HGD: variants seen among roughly 807,000 people sequenced by gnomAD.
The protein encoded by HGD is homogentisate 1,2-dioxygenase, also known as homogentisate oxidase.
A neutral mutation model predicts 60.8 loss-of-function variants in HGD; 61 were observed. The observed-to-expected ratio is 1.00, with a 90% CI of 0.82 to 1.24. HGD has a LOEUF of 1.24. HGD is among the 50% of genes most tolerant of loss of function. The pLI, the probability that HGD is intolerant of heterozygous loss-of-function variation, is 0.00. For synonymous variants in HGD, 212 were observed against 187.7 expected (o/e 1.13, Z -1.06); for missense variants, 542 against 547.1 (o/e 0.99, Z 0.09).
intron 4 of HGD, among the ~76,000 whole-genome samples, chr3:120,666,033 G>T (rs1023978468): frequency 2.6e-5 from 4 of 152,200 alleles, no homozygotes; most frequent in South Asian, 2.1e-4. Flanking sequence ...ATTGGAAAGA[G>T]ATATTAACTT....
intron 1 of HGD, among the ~76,000 whole-genome samples, chr3:120,676,648 C>T (rs1576320338): frequency 6.6e-6 from 1 of 152,214 alleles, no homozygotes; most frequent in East Asian, 1.9e-4. Flanking sequence ...GAATTTTTCC[C>T]TTAAAGCCAA....
chr3:120,655,480 GAA>G (rs937481093), intron 4 of HGD, among the ~76,000 whole-genome samples: 5 of 152,202 alleles, frequency 3.3e-5, no homozygotes, highest in African/African-American at 1.2e-4. Context: ...AGATTATACA[GAA>G]TCTATATTCA....
At chr3:120,642,718 G>T (rs748503716) in intron 10 of HGD, among the ~76,000 whole-genome samples, 11 of 152,198 alleles carry the variant, frequency 7.2e-5, no homozygotes, top group Non-Finnish European at 1.3e-4. Flanking sequence ...AGGAACTGAG[G>T]TCATATGGGG....
chr3:120,644,660 A>G (rs1446083669), intron 9 of HGD: 1 of 1,500,362 alleles, frequency 6.7e-7, no homozygotes, highest in Admixed American at 2.0e-5. Flanking sequence ...ATTACTTTCT[A>G]AGGTTGTGGA....
Position 120,682,177 on chromosome 3 carries a change from C to T in HGD, c.-66G>A. ...GCCCAGAGGATATAAAGCCACAATG[C>T]TTCTTTCTCCTTCAAACCACTCTTT... On this transcript the variant is annotated 5_prime_UTR_variant, in exon 1 of 14. Transcript: ENST00000283871. The T allele has an allele frequency of 6.8e-7, 1 of 1,466,904 alleles. No individual in the cohort carries two copies. The highest frequency in any genetic ancestry group is 1.7e-4 in the Middle Eastern group (1 of 5,820). The allele number at this position is 1,466,904 out of a possible 1,614,324, so 90.9% of individuals were successfully genotyped here.
intron 12 of HGD, among the ~76,000 whole-genome samples, chr3:120,637,446 T>A (rs1940820408): frequency 6.6e-6 from 1 of 152,066 alleles, no homozygotes; most frequent in African/African-American, 2.4e-5. Flanking sequence ...GTGCTAAGAA[T>A]AATAATATTA....
At chr3:120,663,540 G>T (rs1056356331) in intron 4 of HGD, among the ~76,000 whole-genome samples, 3 of 152,114 alleles carry the variant, frequency 2.0e-5, no homozygotes, top group African/African-American at 7.2e-5. Context: ...TGAGATTTGG[G>T]TGGGGACACA....
intron 1 of HGD, among the ~76,000 whole-genome samples, chr3:120,676,427 C>T (rs907750817): frequency 2.1e-5 from 3 of 144,186 alleles, no homozygotes; most frequent in Non-Finnish European, 3.0e-5. Context: ...GCCATCTCTT[C>T]ACTTTACACC....
chr3:120,630,916 A>G (rs1940574797), intron 13 of HGD, among the ~76,000 whole-genome samples: 1 of 150,328 alleles, frequency 6.7e-6, no homozygotes, highest in Admixed American at 6.7e-5. Context: ...AAAGAACAAG[A>G]TCATGTGTTT....
In HGD at chr3:120,669,447, GCACACACACACA is replaced by G. The variant is rs59426684; in HGVS notation, c.282+968_282+979del. Among the ~76,000 whole-genome samples the G allele has an allele frequency of 1.9e-4, 27 of 145,728 alleles. No homozygotes were observed. In the East Asian group the frequency reaches 4.1e-3, roughly 22 times the overall value. On this transcript the variant is annotated intron_variant, in intron 4 of 13. Coordinates refer to ENST00000283871, the MANE Select transcript of HGD (RefSeq NM_000187.4). The stretch of plus-strand genomic sequence containing the variant: ...AAAATACAAGCTTATGTGCGCATGT[GCACACACACACA>G]CACACACACACACACACACACACAC...
intron 3 of HGD, among the ~76,000 whole-genome samples, chr3:120,671,696 T>G (rs750187933): frequency 3.9e-5 from 6 of 152,228 alleles, no homozygotes; most frequent in Non-Finnish European, 8.8e-5. Flanking sequence ...CACGTATGTT[T>G]ATTGCAGCAC....
chr3:120,651,206 G>T (rs1941332138), intron 5 of HGD, among the ~76,000 whole-genome samples: 1 of 152,170 alleles, frequency 6.6e-6, no homozygotes, highest in Non-Finnish European at 1.5e-5. Flanking sequence ...GTACCATCAG[G>T]CATCTAGGAG....
intron 13 of HGD, among the ~76,000 whole-genome samples, chr3:120,630,729 A>G (rs570003208): frequency 6.6e-6 from 1 of 150,914 alleles, no homozygotes; most frequent in Non-Finnish European, 1.5e-5. Flanking sequence ...AGATTTCATG[A>G]CAAAAACATC....
chr3:120,675,040 C>T (rs1013284156), intron 2 of HGD, 51 bp from the exon 3 acceptor site: 3 of 1,268,204 alleles, frequency 2.4e-6, no homozygotes, highest in Non-Finnish European at 2.3e-6. Context: ...AAAAGCATCC[C>T]ACCTTCCCAC....
intron 5 of HGD, among the ~76,000 whole-genome samples, chr3:120,651,718 A>G (rs1367505431): frequency 6.6e-6 from 1 of 152,022 alleles, no homozygotes; most frequent in East Asian, 1.9e-4. Context: ...TTTGAGCCCC[A>G]CTTCCTTAGA....
intron 4 of HGD, among the ~76,000 whole-genome samples, chr3:120,653,361 A>G (rs956129407): frequency 6.6e-6 from 1 of 152,222 alleles, no homozygotes; most frequent in East Asian, 1.9e-4. Flanking sequence ...ACTTGGCAGC[A>G]GGCCTGACTT....
intron 5 of HGD, among the ~76,000 whole-genome samples, chr3:120,651,441 C>A (rs1267791186): frequency 1.3e-5 from 2 of 152,194 alleles, no homozygotes; most frequent in Non-Finnish European, 2.9e-5. Flanking sequence ...CAGCCCCAAA[C>A]CTGCAGATGG....
intron 3 of HGD, among the ~76,000 whole-genome samples, chr3:120,672,153 A>C (rs893730735): frequency 6.6e-6 from 1 of 152,260 alleles, no homozygotes. Flanking sequence ...AAAATAAAAT[A>C]AAAATAAATT....
At chr3:120,664,345 T>C (rs2107538831) in intron 4 of HGD, among the ~76,000 whole-genome samples, 1 of 152,246 alleles carries the variant, frequency 6.6e-6, no homozygotes, top group South Asian at 2.1e-4. Flanking sequence ...TACTGTTTAA[T>C]GTCTTCAGGA....
Sources: gnomAD v4.1 joint callset for allele counts (sites outside exome capture counted in the v4.1 genomes callset) on GRCh38, gnomAD v4.1.1 for gene constraint, MANE v1.5 for transcripts, NCBI Gene and HGNC (gene_info 2026-07-23, HGNC 2026-07-21) for gene names.